Variants in PHLDB2 observed in about 807,000 individuals in gnomAD.
PHLDB2 encodes pleckstrin homology like domain family B member 2, also known as pleckstrin homology-like domain family B member 2.
In PHLDB2, 71 loss-of-function variants were observed where a neutral mutation model predicts 123.6. The ratio of observed to expected loss-of-function variants is 0.57; its 90% CI spans 0.47 to 0.70. The LOEUF (loss-of-function observed/expected upper bound fraction) is 0.70, where lower values mean the gene tolerates loss of function less well. Ranked by LOEUF, PHLDB2 falls within the 30% of genes least tolerant of loss-of-function variation. PHLDB2 has a pLI of 0.00. For synonymous variants in PHLDB2, 547 were observed against 541.6 expected (o/e 1.01, Z -0.14); for missense variants, 1,446 against 1,519.5 (o/e 0.95, Z 0.80).
chr3:111,907,683 A>G (rs2067630674), intron 2 of PHLDB2, among the ~76,000 whole-genome samples: 3 of 152,118 alleles, frequency 2.0e-5, no homozygotes, highest in South Asian at 2.1e-4. Context: ...TTTAGTAGAT[A>G]CAGGGTTTAA....
intron 1 of PHLDB2, among the ~76,000 whole-genome samples, chr3:111,748,682 C>T (rs1303850348): frequency 2.0e-5 from 3 of 151,994 alleles, no homozygotes; most frequent in Non-Finnish European, 2.9e-5. Flanking sequence ...CCACCATACC[C>T]GGCTAATTTT....
chr3:111,971,945 A>G (rs537773792), intron 16 of PHLDB2, among the ~76,000 whole-genome samples: 7 of 152,216 alleles, frequency 4.6e-5, no homozygotes, highest in Non-Finnish European at 1.0e-4. Flanking sequence ...TTGATGGCAT[A>G]ATACTGAGAG....
intron 16 of PHLDB2, among the ~76,000 whole-genome samples, chr3:111,973,343 A>C (rs998573445): frequency 6.6e-6 from 1 of 152,154 alleles, no homozygotes; most frequent in Admixed American, 6.5e-5. Flanking sequence ...AAATTTTATT[A>C]CAACAGATCT....
intron 1 of PHLDB2, among the ~76,000 whole-genome samples, chr3:111,757,165 C>T (rs2059906237): frequency 6.6e-6 from 1 of 152,084 alleles, no homozygotes; most frequent in African/African-American, 2.4e-5. Context: ...TTGTGGAGTT[C>T]TCTGTATTTC....
At chr3:111,880,307 A>C (rs1267461326) in intron 1 of PHLDB2, among the ~76,000 whole-genome samples, 1 of 152,140 alleles carries the variant, frequency 6.6e-6, no homozygotes, top group African/African-American at 2.4e-5. Flanking sequence ...AATTAGAGAT[A>C]TGTTTGGGGG....
At chr3:111,960,831 C>T (rs1300187028) in intron 12 of PHLDB2, among the ~76,000 whole-genome samples, 2 of 152,172 alleles carry the variant, frequency 1.3e-5, no homozygotes, top group African/African-American at 4.8e-5. Flanking sequence ...ATTACAAACT[C>T]TAGTACTGGC....
intron 1 of PHLDB2, among the ~76,000 whole-genome samples, chr3:111,777,413 T>A (rs915262073): frequency 2.0e-5 from 3 of 152,148 alleles, no homozygotes; most frequent in Non-Finnish European, 2.9e-5. Context: ...TAATTTGAAG[T>A]TAATATTCAG....
intron 1 of PHLDB2, among the ~76,000 whole-genome samples, chr3:111,733,618 GGAA>G (rs1941579344): frequency 6.6e-6 from 1 of 152,132 alleles, no homozygotes; most frequent in Non-Finnish European, 1.5e-5. Flanking sequence ...AGGTCTATGG[GGAA>G]GAAGGAGATG....
chr3:111,837,604 T>G (rs2063476397), intron 1 of PHLDB2, among the ~76,000 whole-genome samples: 1 of 152,230 alleles, frequency 6.6e-6, no homozygotes, highest in African/African-American at 2.4e-5. Context: ...GGCTATAGAA[T>G]GCATCATTTC....
intron 1 of PHLDB2, among the ~76,000 whole-genome samples, chr3:111,834,108 A>T (rs1327646760): frequency 3.3e-5 from 3 of 91,894 alleles, no homozygotes; most frequent in African/African-American, 8.8e-5. Context: ...TATATATATT[A>T]TATATGTAAT....
intron 1 of PHLDB2, among the ~76,000 whole-genome samples, chr3:111,798,771 C>T (rs750318567): frequency 1.3e-5 from 2 of 152,022 alleles, no homozygotes; most frequent in Non-Finnish European, 2.9e-5. Flanking sequence ...GTTTCCAATA[C>T]AATCAATTTC....
At chr3:111,935,371 T>C (rs990841466) in intron 6 of PHLDB2, among the ~76,000 whole-genome samples, 1 of 152,108 alleles carries the variant, frequency 6.6e-6, no homozygotes, top group Non-Finnish European at 1.5e-5. Context: ...GGCTATAAAA[T>C]TAGTTTATCC....
intron 1 of PHLDB2, among the ~76,000 whole-genome samples, chr3:111,793,283 C>T (rs1576622192): frequency 6.6e-6 from 1 of 152,132 alleles, no homozygotes; most frequent in Non-Finnish European, 1.5e-5. Context: ...CCCCTTTCCT[C>T]AAGCAGGGGA....
intron 1 of PHLDB2, among the ~76,000 whole-genome samples, chr3:111,825,338 T>C (rs1258870356): frequency 1.3e-5 from 2 of 152,252 alleles, no homozygotes; most frequent in East Asian, 3.8e-4. Flanking sequence ...TGTAAGCTAT[T>C]AGTTTCAAAA....
In PHLDB2 at chr3:111,945,321, G is replaced by A. The variant is rs759910628; in HGVS notation, c.2451G>A (p.Gly817=). ...AGAAATACTCCAGCCTCTCTGGGGG[G>A]AAAGGGTTTCCCGTTAACCCCAATA... ...LEKKYSSLSG[G]KGFPVNPNTL... The change falls in exon 9 of 18, where the codon GGG becomes GGA. Residue 817 remains glycine, a synonymous_variant. Coordinates refer to ENST00000431670, the MANE Select transcript of PHLDB2 (RefSeq NM_001134438.2). The A allele has an allele frequency of 6.2e-7, 1 of 1,610,534 alleles. No homozygotes were observed. Among genetic ancestry groups the A allele is most frequent in the East Asian group, 2.2e-5 (1 of 44,858 alleles).
rs558579858 is a variant in PHLDB2, at chr3:111,955,644, GT to G, written c.2872+1620del. Among the ~76,000 whole-genome samples, 1,191 of 152,224 alleles carry G rather than the reference GT, an allele frequency of 7.8e-3. 7 individuals are homozygous for G. Among genetic ancestry groups the G allele is most frequent in the South Asian group, 0.014 (69 of 4,824 alleles). On this transcript the variant is annotated intron_variant, in intron 12 of 17. Coordinates refer to ENST00000431670, the MANE Select transcript of PHLDB2 (RefSeq NM_001134438.2). ...TTTTTGTATTTTTTGGCAGAGATGG[GT>G]TTTTGTCATGTTTCCCAGGATGGTC...
intron 5 of PHLDB2, among the ~76,000 whole-genome samples, chr3:111,921,968 G>GTA (rs1309249495): frequency 1.3e-5 from 2 of 152,218 alleles, no homozygotes; most frequent in African/African-American, 4.8e-5. Context: ...AAGTCAAAGA[G>GTA]TTGACTGTCT....
rs748090166 is a variant in PHLDB2, at chr3:111,969,905, T to C, written c.3531T>C (p.Tyr1177=). 3.1e-6 allele frequency: 5 copies of C among 1,613,650 alleles called. No individual in the cohort carries two copies. Among genetic ancestry groups the C allele is most frequent in the Admixed American group, 3.3e-5 (2 of 60,010 alleles). Residue 1177 remains tyrosine, a synonymous_variant, in exon 16 of 18, where the codon TAT becomes TAC. Transcript: ENST00000431670. ...GGAACAAGCGAACATTCTCTTATTATGCAGGTGGGTGATAAAAACAATTTA... is the reference window on the plus strand; with the variant it reads ...GGAACAAGCGAACATTCTCTTATTACGCAGGTGGGTGATAAAAACAATTTA... ...FDRNKRTFSY[Y]ADKHETKLKG... is the part of the protein sequence containing the mutation.
At chr3:111,758,593 C>T (rs2059941585) in intron 1 of PHLDB2, among the ~76,000 whole-genome samples, 1 of 152,172 alleles carries the variant, frequency 6.6e-6, no homozygotes, top group Non-Finnish European at 1.5e-5. Flanking sequence ...TCAGCTGGTG[C>T]AGTGTGCGCG....
Sources: allele counts gnomAD v4.1 joint callset (sites outside exome capture counted in the v4.1 genomes callset), GRCh38; gene constraint gnomAD v4.1.1; transcripts MANE v1.5; gene names NCBI Gene and HGNC (gene_info 2026-07-23, HGNC 2026-07-21).